PKHD1: variants seen among roughly 807,000 people sequenced by gnomAD.
PKHD1 encodes the protein fibrocystin.
PKHD1 carries 291 observed loss-of-function variants against 412.0 expected under a neutral mutation model. The ratio of observed to expected loss-of-function variants is 0.71; its 90% CI spans 0.64 to 0.78. PKHD1 has a LOEUF of 0.78. Among genes scored for constraint, PKHD1 ranks in the 30% least tolerant of loss-of-function variants. The probability of loss-of-function intolerance (pLI) is 0.00; values close to 1 mark genes in which losing one functional copy is unlikely to be tolerated. For synonymous variants in PKHD1, 1,777 were observed against 1,821.5 expected, an observed-to-expected ratio of 0.98 and a Z score of 0.62; for missense variants, 4,825 against 4,950.7, an observed-to-expected ratio of 0.97 and a Z score of 0.76.
At chr6:51,837,003 G>A (rs371520548) in intron 50 of PKHD1, among the ~76,000 whole-genome samples, 3 of 152,196 alleles carry the variant, frequency 2.0e-5, no homozygotes, top group South Asian at 2.1e-4. Flanking sequence ...AATTTTAAGC[G>A]TTCAATAAAT....
chr6:51,897,219 A>C (rs1562562331), intron 43 of PKHD1, among the ~76,000 whole-genome samples: 1 of 152,084 alleles, frequency 6.6e-6, no homozygotes. Context: ...TGTCAGATTC[A>C]CCAAAGTTGA....
chr6:51,709,738 T>A (rs1309025346), intron 60 of PKHD1, among the ~76,000 whole-genome samples: 1 of 152,182 alleles, frequency 6.6e-6, no homozygotes, highest in Non-Finnish European at 1.5e-5. Context: ...ACATTGCAAA[T>A]AACCAACTTT....
chr6:51,889,237 A>C (rs1029521560), intron 43 of PKHD1, among the ~76,000 whole-genome samples: 5 of 152,124 alleles, frequency 3.3e-5, no homozygotes, highest in African/African-American at 1.2e-4. Flanking sequence ...GCTCATCCTG[A>C]ACACTGGCAT....
At chr6:51,928,601 G>A (rs1469453704) in intron 37 of PKHD1, among the ~76,000 whole-genome samples, 1 of 151,052 alleles carries the variant, frequency 6.6e-6, no homozygotes, top group African/African-American at 2.4e-5. Flanking sequence ...ACCATGTATA[G>A]TCCTTAGTCT....
In PKHD1 at chr6:52,058,373, G is replaced by C; in HGVS notation, c.1462C>G (p.Arg488Gly). 6.2e-7 allele frequency: 1 copy of C among 1,614,116 alleles called. No homozygotes were observed. The highest frequency in any genetic ancestry group is 8.5e-7 in the Non-Finnish European group (1 of 1,180,024). Residue 488 changes from arginine to glycine, a missense_variant, in exon 16 of 67, where the codon CGG (arginine) becomes GGG (glycine). Coordinates refer to ENST00000371117, the MANE Select transcript of PKHD1 (RefSeq NM_138694.4). ...CGGACTCGGATCTGGTGCTTCTCCC[G>C]TAGGTAAGTGGTGACCACATCAGGA... ...LNPDVVTTYLREKHQIRVRAQ... is the reference protein window; with the variant it reads ...LNPDVVTTYLGEKHQIRVRAQ...
At chr6:51,831,904 C>T (rs1768321747) in intron 51 of PKHD1, among the ~76,000 whole-genome samples, 1 of 152,084 alleles carries the variant, frequency 6.6e-6, no homozygotes, top group South Asian at 2.1e-4. Context: ...CCATGCTGAA[C>T]CATATCTACT....
intron 36 of PKHD1, among the ~76,000 whole-genome samples, chr6:51,957,169 C>T (rs779160351): frequency 1.3e-5 from 2 of 152,020 alleles, no homozygotes; most frequent in African/African-American, 4.8e-5. Context: ...CCTATTCTTC[C>T]GCTTTTCCAT....
rs776561116 is a variant in PKHD1 at position 52,028,192 on chromosome 6, G to T, written c.3524C>A (p.Ser1175Tyr). Reference sequence around the variant, plus strand: ...AATGCTGACCCCATTGATAGAGACGGAAATTCTGTGGAGACCAGCTGGCAG... The same window carrying T: ...AATGCTGACCCCATTGATAGAGACGTAAATTCTGTGGAGACCAGCTGGCAG... ...PPLPAGLHRI[S>Y]VSINGVSIHS... The change falls in exon 30 of 67, where the codon TCC becomes TAC. Residue 1175 changes from serine (S) to tyrosine (Y), a missense_variant. Ser to Tyr is a moderately radical substitution (Grantham distance 144, BLOSUM62 -2). Coordinates refer to ENST00000371117, the MANE Select transcript of PKHD1 (RefSeq NM_138694.4). 1.2e-6 allele frequency: 2 copies of T among 1,614,220 alleles called. No individual in the cohort carries two copies. The highest frequency in any genetic ancestry group is 2.2e-5 in the South Asian group (2 of 91,088).
intron 52 of PKHD1, among the ~76,000 whole-genome samples, chr6:51,803,925 C>T (rs1763304816): frequency 6.6e-6 from 1 of 151,314 alleles, no homozygotes; most frequent in Non-Finnish European, 1.5e-5. Flanking sequence ...CCAGGCTGGT[C>T]TCAAACTCCT....
intron 42 of PKHD1, 25 bp downstream of exon 42, chr6:51,903,961 A>T (rs752341905): frequency 6.8e-7 from 1 of 1,469,370 alleles, no homozygotes; most frequent in East Asian, 2.3e-5. Context: ...ACTGTAATAG[A>T]TTTAAAATCA....
intron 48 of PKHD1, among the ~76,000 whole-genome samples, chr6:51,864,791 C>CT (rs1388079226): frequency 6.6e-6 from 1 of 152,058 alleles, no homozygotes; most frequent in Non-Finnish European, 1.5e-5. Flanking sequence ...ATTTTACATT[C>CT]TTTTTTTCAT....
chr6:51,702,300 G>T (rs541452640), intron 60 of PKHD1, among the ~76,000 whole-genome samples: 1 of 147,766 alleles, frequency 6.8e-6, no homozygotes, highest in Non-Finnish European at 1.5e-5. Context: ...TGGAATTGGA[G>T]ACTATTATTT....
At chr6:51,940,223 C>T (rs932662770) in intron 36 of PKHD1, among the ~76,000 whole-genome samples, 1 of 151,634 alleles carries the variant, frequency 6.6e-6, no homozygotes, top group African/African-American at 2.4e-5. Context: ...AATAAAACTA[C>T]AAAAATTAAA....
chr6:51,686,184 C>A (rs985921625), intron 60 of PKHD1, among the ~76,000 whole-genome samples: 2 of 151,990 alleles, frequency 1.3e-5, no homozygotes, highest in East Asian at 1.9e-4. Context: ...GTTTTTGAAC[C>A]CTTAACTCAT....
rs536322617 is a variant in PKHD1 at position 51,920,416 on chromosome 6, G to T, written c.6122-7840C>A. Among the ~76,000 whole-genome samples, 4 of 152,226 alleles carry T rather than the reference G, an allele frequency of 2.6e-5. No homozygotes were observed. In the East Asian group the frequency reaches 5.8e-4, roughly 22 times the overall value. ...TTTTTGTCTTTGGTTCGGTTTATAT[G>T]CTGGATTACATTTATTGATTTGCGT... On this transcript the variant is annotated intron_variant, in intron 37 of 66. Transcript: ENST00000371117.
At chr6:51,868,194 T>G in intron 47 of PKHD1, 85 bp from the exon 48 acceptor site, 1 of 1,206,060 alleles carries the variant, frequency 8.3e-7, no homozygotes. Context: ...AGGATTTAAA[T>G]TGCATATTTA....
rs150295797 is a variant in PKHD1 at position 51,872,538 on chromosome 6, A to T, written c.7351-1899T>A. On this transcript the variant is annotated intron_variant, in intron 46 of 66. Coordinates refer to ENST00000371117, the MANE Select transcript of PKHD1 (RefSeq NM_138694.4). The stretch of plus-strand genomic sequence containing the variant: ...ATTCTCCTACTTCAGCCTCCCGAGT[A>T]GCTGGGACTACAGGTGCTTGCCACC... Among the ~76,000 whole-genome samples the T allele has an allele frequency of 1.3e-3, 194 of 152,140 alleles. 1 individual carries two copies. Among genetic ancestry groups the T allele is most frequent in the Middle Eastern group, 0.01 (3 of 294 alleles).
intron 64 of PKHD1, among the ~76,000 whole-genome samples, chr6:51,638,194 C>A (rs1768834337): frequency 6.6e-6 from 1 of 152,148 alleles, no homozygotes; most frequent in South Asian, 2.1e-4. Flanking sequence ...GTATCCATTG[C>A]AAACTTATTT....
At chr6:51,972,163 T>A (rs1010307537) in intron 35 of PKHD1, among the ~76,000 whole-genome samples, 1 of 152,206 alleles carries the variant, frequency 6.6e-6, no homozygotes, top group Non-Finnish European at 1.5e-5. Context: ...TTCTTTTTTT[T>A]ATTTCTCATT....
Sources: gnomAD v4.1 joint callset for allele counts (sites outside exome capture counted in the v4.1 genomes callset) on GRCh38, gnomAD v4.1.1 for gene constraint, MANE v1.5 for transcripts, NCBI Gene and HGNC (gene_info 2026-07-23, HGNC 2026-07-21) for gene names.